The following AKT3 variants were observed in gnomAD, a reference collection of about 807,000 sequenced individuals.
The protein encoded by AKT3 is AKT serine/threonine kinase 3.
In AKT3, 15 loss-of-function variants were observed where a neutral mutation model predicts 65.3. The ratio of observed to expected loss-of-function variants is 0.23; its 90% CI spans 0.15 to 0.35. AKT3 has a LOEUF of 0.35. AKT3 is among the 10% of genes least tolerant of loss of function. AKT3 has a pLI of 1.00. For missense variants in AKT3, 243 were observed against 576.5 expected, an observed-to-expected ratio of 0.42 and a Z score of 5.92; for synonymous variants, 206 against 183.8, an observed-to-expected ratio of 1.12 and a Z score of -0.98.
intron 3 of AKT3, among the ~76,000 whole-genome samples, chr1:243,688,451 C>G (rs1684481564): frequency 6.6e-6 from 1 of 152,086 alleles, no homozygotes; most frequent in African/African-American, 2.4e-5. Flanking sequence ...TTTTTCTAAG[C>G]AAGGAGAACG....
intron 2 of AKT3, among the ~76,000 whole-genome samples, chr1:243,807,835 C>A (rs1462769265): frequency 6.6e-6 from 1 of 152,198 alleles, no homozygotes; most frequent in East Asian, 1.9e-4. Context: ...TGAGACGAAA[C>A]TTCCAGAGGA....
chr1:243,566,116 T>C (rs1674138250), intron 9 of AKT3, among the ~76,000 whole-genome samples: 3 of 152,202 alleles, frequency 2.0e-5, no homozygotes, highest in Admixed American at 2.0e-4. Flanking sequence ...CTCCACGTTT[T>C]GACAAAGCTA....
At chr1:243,767,197 A>G (rs1181207043) in intron 2 of AKT3, among the ~76,000 whole-genome samples, 2 of 149,892 alleles carry the variant, frequency 1.3e-5, no homozygotes, top group Non-Finnish European at 3.0e-5. Flanking sequence ...GTAAAAGAGC[A>G]CAGTCCAATG....
intron 12 of AKT3, among the ~76,000 whole-genome samples, chr1:243,539,658 G>T (rs1304982209): frequency 2.6e-5 from 4 of 152,074 alleles, no homozygotes; most frequent in African/African-American, 7.2e-5. Context: ...AACCAAAAGA[G>T]AATTAAGCTA....
chr1:243,681,571 T>A (rs1472749735), intron 3 of AKT3, among the ~76,000 whole-genome samples: 1 of 152,156 alleles, frequency 6.6e-6, no homozygotes, highest in Non-Finnish European at 1.5e-5. Context: ...CTCGCTATTA[T>A]ATATAATACA....
chr1:243,610,719 A>G (rs1186817401), intron 8 of AKT3, among the ~76,000 whole-genome samples: 1 of 152,242 alleles, frequency 6.6e-6, no homozygotes, highest in Non-Finnish European at 1.5e-5. Flanking sequence ...CCCAAAGACA[A>G]GCACTAATAC....
intron 2 of AKT3, among the ~76,000 whole-genome samples, chr1:243,697,570 T>C (rs947994500): frequency 2.6e-5 from 4 of 152,110 alleles, no homozygotes; most frequent in African/African-American, 9.6e-5. Flanking sequence ...GGACTTTGAA[T>C]GAATCTTTAA....
intron 2 of AKT3, among the ~76,000 whole-genome samples, chr1:243,829,510 G>T (rs1694370824): frequency 6.6e-6 from 1 of 151,778 alleles, no homozygotes; most frequent in African/African-American, 2.4e-5. Context: ...TCAAATAAAG[G>T]TATTCTCAAT....
intron 2 of AKT3, among the ~76,000 whole-genome samples, chr1:243,824,310 G>A (rs542404167): frequency 6.6e-6 from 1 of 152,200 alleles, no homozygotes; most frequent in East Asian, 1.9e-4. Flanking sequence ...AAAAACTCTA[G>A]AAGAAAATCT....
intron 4 of AKT3, among the ~76,000 whole-genome samples, chr1:243,650,787 G>A (rs999144638): frequency 6.6e-6 from 1 of 152,176 alleles, no homozygotes; most frequent in Non-Finnish European, 1.5e-5. Context: ...CTAGTAGCAT[G>A]CTGTTTTTGT....
chr1:243,688,645 G>C (rs12076373), intron 3 of AKT3, among the ~76,000 whole-genome samples: 30,767 of 151,960 alleles, frequency 0.2, 3,441 homozygotes, highest in East Asian at 0.32. Flanking sequence ...GGACTAAACT[G>C]TATCTTGCTG....
chr1:243,736,262 T>C lies in AKT3; in HGVS notation c.47-40546A>G, dbSNP rs1052307483. Among the ~76,000 whole-genome samples, 4 of 152,332 alleles carry C rather than the reference T, an allele frequency of 2.6e-5. No homozygotes were observed. In the East Asian group the frequency reaches 7.7e-4, roughly 29 times the overall value. On this transcript the variant is annotated intron_variant, in intron 2 of 13. Coordinates refer to ENST00000673466, the MANE Select transcript of AKT3 (RefSeq NM_005465.7). ...GAAAGTTGTTCTAAAGCTTAGGTTATTTTATATAAACCAATTAGCATAGTG... is the reference window on the plus strand; with the variant it reads ...GAAAGTTGTTCTAAAGCTTAGGTTACTTTATATAAACCAATTAGCATAGTG...
chr1:243,740,634 A>C (rs1343543471), intron 2 of AKT3: 1 of 152,250 alleles, frequency 6.6e-6, no homozygotes, highest in Non-Finnish European at 1.5e-5. Context: ...GTTTTCTTGC[A>C]TCACAATCAC....
At position 243,554,083 on chromosome 1, in the gene AKT3, ACTTT is replaced by A. The variant is rs1210924645; in HGVS notation, c.949-1144_949-1141del. Among the ~76,000 whole-genome samples the A allele has an allele frequency of 2.6e-5, 4 of 152,252 alleles. No individual in the cohort carries two copies. The East Asian group carries it at 7.7e-4, about 29-fold the overall frequency. On this transcript the variant is annotated intron_variant, in intron 10 of 13. Transcript: ENST00000673466. Reference sequence around the variant, plus strand: ...TTTTCTGGAAGATTACTCCTACATGACTTTTATTTAAAATTTACCAATAATCTCA... The same window carrying A: ...TTTTCTGGAAGATTACTCCTACATGATATTTAAAATTTACCAATAATCTCA...
At chr1:243,547,873 T>C (rs1672783713) in intron 11 of AKT3, 1 of 152,214 alleles carries the variant, frequency 6.6e-6, no homozygotes, top group South Asian at 2.1e-4. Flanking sequence ...ATTCTCTAAA[T>C]GAACTATACC....
intron 3 of AKT3, among the ~76,000 whole-genome samples, chr1:243,675,061 C>T (rs1419728328): frequency 1.3e-5 from 2 of 152,190 alleles, no homozygotes; most frequent in African/African-American, 4.8e-5. Flanking sequence ...TTAGAAGTAA[C>T]TTACAACTTA....
intron 8 of AKT3, among the ~76,000 whole-genome samples, chr1:243,606,518 T>C (rs1677433284): frequency 6.6e-6 from 1 of 152,158 alleles, no homozygotes; most frequent in South Asian, 2.1e-4. Flanking sequence ...AAGGAGATGA[T>C]TTGGGGGTAT....
intron 11 of AKT3, 43 bp from the exon 12 acceptor site, chr1:243,545,640 C>T (rs1201100227): frequency 7.3e-7 from 1 of 1,372,510 alleles, no homozygotes; most frequent in Admixed American, 1.7e-5. Flanking sequence ...AAAACATTTA[C>T]ATAAGCTCAA....
At chr1:243,696,955 A>T (rs1429700773) in intron 2 of AKT3, among the ~76,000 whole-genome samples, 1 of 151,996 alleles carries the variant, frequency 6.6e-6, no homozygotes, top group African/African-American at 2.4e-5. Flanking sequence ...AATGTAATCC[A>T]AATCTTTTAC....
Sources: allele counts gnomAD v4.1 joint callset (sites outside exome capture counted in the v4.1 genomes callset), GRCh38; gene constraint gnomAD v4.1.1; transcripts MANE v1.5; gene names NCBI Gene and HGNC (gene_info 2026-07-23, HGNC 2026-07-21).